Variants in FAM110B observed in about 807,000 individuals in gnomAD.
FAM110B encodes the protein protein FAM110B.
A neutral mutation model predicts 20.4 loss-of-function variants in FAM110B; 6 were observed. The observed-to-expected ratio is 0.29, with a 90% CI of 0.16 to 0.58. The LOEUF (loss-of-function observed/expected upper bound fraction) is 0.58. FAM110B is among the 20% of genes least tolerant of loss of function. The probability of loss-of-function intolerance (pLI) is 0.90; values close to 1 mark genes in which losing one functional copy is unlikely to be tolerated. For synonymous variants in FAM110B, 226 were observed against 214.1 expected, an observed-to-expected ratio of 1.06 and a Z score of -0.49; for missense variants, 434 against 498.2, an observed-to-expected ratio of 0.87 and a Z score of 1.23.
chr8:58,026,601 C>T (rs193000062), intron 1 of FAM110B, among the ~76,000 whole-genome samples: 41 of 152,058 alleles, frequency 2.7e-4, no homozygotes, highest in African/African-American at 8.0e-4. Context: ...GTGAAAGTCC[C>T]GTGACCACAA....
intron 1 of FAM110B, among the ~76,000 whole-genome samples, chr8:58,010,118 G>C (rs1303012296): frequency 1.3e-5 from 2 of 151,954 alleles, no homozygotes; most frequent in Non-Finnish European, 2.9e-5. Flanking sequence ...CCAGGTTCAA[G>C]TGATCCTCGT....
chr8:58,128,256 G>A (rs762526421), intron 3 of FAM110B, among the ~76,000 whole-genome samples: 52 of 152,270 alleles, frequency 3.4e-4, no homozygotes, highest in Admixed American at 1.9e-3. Flanking sequence ...CTAAAAGACA[G>A]GGAAGCAGGA....
intron 3 of FAM110B, chr8:58,077,079 C>T (rs1226220902): frequency 6.6e-6 from 1 of 152,148 alleles, no homozygotes; most frequent in Non-Finnish European, 1.5e-5. Flanking sequence ...GTGCTATAAC[C>T]TGAAGTCTCT....
chr8:58,105,546 G>A (rs1477422730), intron 3 of FAM110B, among the ~76,000 whole-genome samples: 1 of 140,676 alleles, frequency 7.1e-6, no homozygotes, highest in African/African-American at 2.7e-5. Flanking sequence ...ATGAATGAAT[G>A]AATGAATGAA....
rs191875420 is a variant in FAM110B at position 58,014,648 on chromosome 8, T to C, written c.-511-16958T>C. ...TCAGTGCAGTTCCTAATTTTTAAAA[T>C]AAAACTTCTGTTTAATAAGTCACAT... is the stretch of plus-strand genomic sequence containing the variant. On this transcript the variant is annotated intron_variant, in intron 1 of 3. Transcript: ENST00000519262. Among the ~76,000 whole-genome samples, 8 of 152,344 alleles carry C rather than the reference T, an allele frequency of 5.3e-5. No homozygotes were observed. The East Asian group carries it at 1.4e-3, about 26-fold the overall frequency.
At chr8:57,996,399 C>G (rs772977751) in intron 1 of FAM110B, among the ~76,000 whole-genome samples, 2 of 151,500 alleles carry the variant, frequency 1.3e-5, no homozygotes, top group Non-Finnish European at 2.9e-5. Flanking sequence ...TTTTAAAATT[C>G]TGATCTGTTA....
chr8:58,070,015 A>G (rs976064921), intron 2 of FAM110B, among the ~76,000 whole-genome samples: 3 of 152,172 alleles, frequency 2.0e-5, no homozygotes, highest in South Asian at 2.1e-4. Flanking sequence ...ATTAAAATTG[A>G]ATTTTCTCCT....
chr8:58,050,010 G>T (rs1381477549), intron 2 of FAM110B, among the ~76,000 whole-genome samples: 1 of 152,006 alleles, frequency 6.6e-6, no homozygotes, highest in Admixed American at 6.5e-5. Flanking sequence ...TTATATTGTT[G>T]ATATTCCTGT....
rs1462988662 is a variant in FAM110B at position 58,096,250 on chromosome 8, A to G, written c.-325+20627A>G. 3.3e-5 allele frequency among the ~76,000 whole-genome samples: 5 copies of G among 152,110 alleles called. No homozygotes were observed. The East Asian group carries it at 9.7e-4, about 29-fold the overall frequency. ...GAGTGCAGTGGCGCAATGTCTTCTC[A>G]TTGCAACCTCCACCTTCCGGTTTCA... On this transcript the variant is annotated intron_variant, in intron 3 of 3. Transcript: ENST00000519262.
At chr8:58,015,946 A>G (rs1343727061) in intron 1 of FAM110B, among the ~76,000 whole-genome samples, 1 of 152,202 alleles carries the variant, frequency 6.6e-6, no homozygotes, top group Non-Finnish European at 1.5e-5. Flanking sequence ...TTGGAAATAA[A>G]TTTAACTCTT....
intron 1 of FAM110B, among the ~76,000 whole-genome samples, chr8:58,006,493 G>T (rs1804405296): frequency 6.6e-6 from 1 of 152,148 alleles, no homozygotes; most frequent in African/African-American, 2.4e-5. Context: ...CCCCAGGGAA[G>T]AGTTTTATCT....
chr8:58,091,580 C>G (rs978821261), intron 3 of FAM110B: 2 of 152,104 alleles, frequency 1.3e-5, no homozygotes, highest in African/African-American at 4.8e-5. Flanking sequence ...GACCTTATCA[C>G]CACCAGGCTT....
At chr8:58,114,143 T>C (rs1474212239) in intron 3 of FAM110B, among the ~76,000 whole-genome samples, 3 of 152,148 alleles carry the variant, frequency 2.0e-5, no homozygotes, top group Non-Finnish European at 4.4e-5. Flanking sequence ...GGAGATACTA[T>C]TTTTCCAGCT....
intron 2 of FAM110B, among the ~76,000 whole-genome samples, chr8:58,069,378 G>A (rs1805840713): frequency 6.6e-6 from 1 of 152,186 alleles, no homozygotes. Context: ...CTTAGACACA[G>A]AAATGCAGTT....
chr8:58,082,301 CA>C (rs1250174118), intron 3 of FAM110B, among the ~76,000 whole-genome samples: 1 of 152,160 alleles, frequency 6.6e-6, no homozygotes, highest in Non-Finnish European at 1.5e-5. Flanking sequence ...CATGTAGAGA[CA>C]AACCATCTAG....
intron 2 of FAM110B, among the ~76,000 whole-genome samples, chr8:58,052,618 G>A (rs1039342382): frequency 6.6e-6 from 1 of 151,944 alleles, no homozygotes; most frequent in Non-Finnish European, 1.5e-5. Flanking sequence ...AATTACTACG[G>A]AGGAACACAA....
intron 3 of FAM110B, among the ~76,000 whole-genome samples, chr8:58,086,215 C>G (rs1206126824): frequency 1.3e-5 from 2 of 152,172 alleles, no homozygotes. Context: ...TTGAGAGCAT[C>G]TCTCTTACTT....
chr8:58,003,599 C>G (rs1056150002), intron 1 of FAM110B, among the ~76,000 whole-genome samples: 2 of 152,202 alleles, frequency 1.3e-5, no homozygotes, highest in African/African-American at 4.8e-5. Context: ...TGTTAGCAGG[C>G]ATGAAAACAA....
chr8:58,132,571 C>A (rs1803502326), intron 3 of FAM110B, among the ~76,000 whole-genome samples: 1 of 152,158 alleles, frequency 6.6e-6, no homozygotes, highest in African/African-American at 2.4e-5. Flanking sequence ...GTCATTGAGA[C>A]CCTCCATGTC....
Sources: allele counts gnomAD v4.1 joint callset (sites outside exome capture counted in the v4.1 genomes callset), GRCh38; gene constraint gnomAD v4.1.1; transcripts MANE v1.5; gene names NCBI Gene and HGNC (gene_info 2026-07-23, HGNC 2026-07-21).